RIN3: variants seen among roughly 807,000 people sequenced by gnomAD.
RIN3 encodes the protein RAB5 interacting protein 3.
Under a neutral mutation model 76.3 loss-of-function variants are expected in RIN3, and 54 were observed. That is an observed-to-expected ratio of 0.71 (90% CI 0.57 to 0.89). The LOEUF (loss-of-function observed/expected upper bound fraction) is 0.89. Ranked by LOEUF, RIN3 falls within the 40% of genes least tolerant of loss-of-function variation. RIN3 has a pLI of 0.00. For synonymous variants in RIN3, 576 were observed against 564.0 expected (o/e 1.02, Z -0.30); for missense variants, 1,256 against 1,322.1 (o/e 0.95, Z 0.78).
Position 92,561,044 on chromosome 14 carries a change from A to AATATATATATATATATATATATATAT in RIN3, c.249+5101_249+5102insATATATATATATATATATATATATAT, listed in dbSNP as rs1555383857. 6.7e-3 allele frequency among the ~76,000 whole-genome samples: 163 copies of AATATATATATATATATATATATATAT among 24,272 alleles called. 2 individuals are homozygous for AATATATATATATATATATATATATAT. Among genetic ancestry groups the AATATATATATATATATATATATATAT allele is most frequent in the South Asian group, 0.016 (8 of 490 alleles). The allele number at this position is 24,272 out of a possible 152,430, so 15.9% of individuals were successfully genotyped here. A position where few individuals can be genotyped will look rare whatever the true frequency, so the allele number is the denominator to read the frequency against. ...CTAAAAAAAAAAAAAAAAAAAAAAA[A>AATATATATATATATATATATATATAT]ATATATATATATCTGCCATATATAT... On this transcript the variant is annotated intron_variant, in intron 2 of 9. Transcript: ENST00000216487.
chr14:92,599,172 G>A (rs776313340), intron 3 of RIN3, among the ~76,000 whole-genome samples: 3 of 152,154 alleles, frequency 2.0e-5, no homozygotes, highest in Non-Finnish European at 4.4e-5. Flanking sequence ...ATGGCCCTGG[G>A]GAACCCCAGC....
chr14:92,551,645 A>G (rs1897429062), intron 1 of RIN3, among the ~76,000 whole-genome samples: 1 of 152,112 alleles, frequency 6.6e-6, no homozygotes, highest in Non-Finnish European at 1.5e-5. Flanking sequence ...TAGCCATTCT[A>G]GTGGTTGTGC....
At chr14:92,588,568 G>A (rs1884865472) in intron 3 of RIN3, among the ~76,000 whole-genome samples, 2 of 151,862 alleles carry the variant, frequency 1.3e-5, no homozygotes, top group South Asian at 4.2e-4. Flanking sequence ...CATTCATGAG[G>A]GTGGATCCCT....
At chr14:92,634,508 T>C (rs765684090) in intron 4 of RIN3, among the ~76,000 whole-genome samples, 34 of 152,212 alleles carry the variant, frequency 2.2e-4, no homozygotes, top group Admixed American at 7.9e-4. Flanking sequence ...AGCCCTGACC[T>C]TGGGGGCCTG....
chr14:92,661,958 G>C (rs1021888721), intron 7 of RIN3, among the ~76,000 whole-genome samples: 6 of 152,316 alleles, frequency 3.9e-5, no homozygotes, highest in East Asian at 3.9e-4. Context: ...CCAGAGAACA[G>C]GCCCAGGATG....
chr14:92,671,897 G>A (rs552089876), intron 7 of RIN3, among the ~76,000 whole-genome samples: 3 of 152,282 alleles, frequency 2.0e-5, no homozygotes, highest in South Asian at 4.1e-4. Context: ...ACAAGGGGCC[G>A]CATTGTCTAA....
intron 4 of RIN3, among the ~76,000 whole-genome samples, chr14:92,638,139 G>T (rs949377357): frequency 2.0e-5 from 3 of 152,204 alleles, no homozygotes. Flanking sequence ...AAGCAGAGAC[G>T]CATGAGACCC....
chr14:92,536,036 A>C (rs61977347), intron 1 of RIN3, among the ~76,000 whole-genome samples: 18,218 of 152,124 alleles, frequency 0.12, 1,436 homozygotes, highest in Non-Finnish European at 0.17. Context: ...AAATCAGGTG[A>C]CTGTAAATGT....
intron 3 of RIN3, among the ~76,000 whole-genome samples, chr14:92,585,998 A>C (rs1409540963): frequency 6.6e-6 from 1 of 152,216 alleles, no homozygotes; most frequent in Non-Finnish European, 1.5e-5. Context: ...AAAGGCTGGC[A>C]GTTCTGGGTT....
chr14:92,594,872 G>A (rs973042914), intron 3 of RIN3, among the ~76,000 whole-genome samples: 1 of 152,232 alleles, frequency 6.6e-6, no homozygotes, highest in African/African-American at 2.4e-5. Flanking sequence ...TGGTGAGACA[G>A]GCATAAGAAT....
At chr14:92,599,398 G>A (rs1363777371) in intron 3 of RIN3, among the ~76,000 whole-genome samples, 2 of 152,170 alleles carry the variant, frequency 1.3e-5, no homozygotes, top group Non-Finnish European at 2.9e-5. Context: ...TATTTAGGAG[G>A]AGGACTCTTG....
chr14:92,627,470 A>G (rs904619782), intron 4 of RIN3, among the ~76,000 whole-genome samples: 5 of 152,246 alleles, frequency 3.3e-5, no homozygotes, highest in African/African-American at 4.8e-5. Context: ...AGTAATGCCT[A>G]TCACCATTCA....
chr14:92,670,788 C>G (rs935306635), intron 7 of RIN3, among the ~76,000 whole-genome samples: 1 of 152,164 alleles, frequency 6.6e-6, no homozygotes, highest in African/African-American at 2.4e-5. Flanking sequence ...CTCGCACCAG[C>G]TCGTGGGAGC....
At chr14:92,579,028 A>G (rs1252167999) in intron 3 of RIN3, among the ~76,000 whole-genome samples, 1 of 151,980 alleles carries the variant, frequency 6.6e-6, no homozygotes, top group Non-Finnish European at 1.5e-5. Context: ...CCCGGGTTCA[A>G]GCGATTCTCC....
intron 4 of RIN3, among the ~76,000 whole-genome samples, chr14:92,629,781 C>T (rs755057546): frequency 5.3e-5 from 8 of 152,214 alleles, no homozygotes; most frequent in Non-Finnish European, 1.0e-4. Context: ...GATGAGGAAA[C>T]GGAGACTGAG....
At chr14:92,539,050 C>T (rs1347532759) in intron 1 of RIN3, among the ~76,000 whole-genome samples, 1 of 152,122 alleles carries the variant, frequency 6.6e-6, no homozygotes, top group African/African-American at 2.4e-5. Flanking sequence ...TGCTCAGGGC[C>T]TGCCCGTTGC....
chr14:92,684,259 A>T (rs1167239896), intron 8 of RIN3, among the ~76,000 whole-genome samples: 1 of 152,102 alleles, frequency 6.6e-6, no homozygotes, highest in African/African-American at 2.4e-5. Context: ...ATGCGCCTCT[A>T]ATCCCAGCTA....
intron 3 of RIN3, among the ~76,000 whole-genome samples, chr14:92,593,954 G>A (rs571059486): frequency 4.6e-5 from 7 of 152,220 alleles, no homozygotes; most frequent in Admixed American, 1.3e-4. Flanking sequence ...CAGATATAGC[G>A]GGTGGAAAAT....
chr14:92,674,774 A>C lies in RIN3; in HGVS notation c.2336-1701A>C, dbSNP rs1225980474. 3.9e-5 allele frequency among the ~76,000 whole-genome samples: 6 copies of C among 152,008 alleles called. No individual in the cohort carries two copies. In the East Asian group the frequency reaches 1.2e-3, roughly 29 times the overall value. ...TATGGCAGCGCACGCCTGTAATCCC[A>C]GCTACTCAGGAGGCTGAGGCAGGAG... On this transcript the variant is annotated intron_variant, in intron 7 of 9. Coordinates refer to ENST00000216487, the MANE Select transcript of RIN3 (RefSeq NM_024832.5).
Sources: allele counts gnomAD v4.1 joint callset (sites outside exome capture counted in the v4.1 genomes callset), GRCh38; gene constraint gnomAD v4.1.1; transcripts MANE v1.5; gene names NCBI Gene and HGNC (gene_info 2026-07-23, HGNC 2026-07-21).